GALNT11: variants seen among roughly 807,000 people sequenced by gnomAD.
GALNT11 encodes the protein UDP-GalNAc:polypeptide N-acetylgalactosaminyltransferase 11.
In GALNT11, 47 loss-of-function variants were observed where a neutral mutation model predicts 72.7. The ratio of observed to expected loss-of-function variants is 0.65; its 90% CI spans 0.51 to 0.82. GALNT11 has a LOEUF of 0.82. GALNT11 is among the 40% of genes least tolerant of loss of function. The pLI, the probability that GALNT11 is intolerant of heterozygous loss-of-function variation, is 0.00. For synonymous variants in GALNT11, 270 were observed against 286.6 expected (o/e 0.94, Z 0.58); for missense variants, 677 against 778.4 (o/e 0.87, Z 1.55).
chr7:152,066,935 C>T (rs1237982237), intron 1 of GALNT11, among the ~76,000 whole-genome samples: 1 of 152,136 alleles, frequency 6.6e-6, no homozygotes, highest in African/African-American at 2.4e-5. Context: ...AAACGTAACA[C>T]CGAAACACGA....
At chr7:152,109,511 T>A (rs1016159939) in intron 6 of GALNT11, among the ~76,000 whole-genome samples, 3 of 152,218 alleles carry the variant, frequency 2.0e-5, no homozygotes, top group African/African-American at 7.2e-5. Flanking sequence ...AAGTAACTAA[T>A]TTGCTGCCGA....
At chr7:152,071,863 G>A (rs1020932298) in intron 1 of GALNT11, among the ~76,000 whole-genome samples, 9 of 152,220 alleles carry the variant, frequency 5.9e-5, no homozygotes, top group East Asian at 5.8e-4. Context: ...TGTCAGTTAC[G>A]ATGTAGCATG....
chr7:152,062,596 G>A (rs2084082426), intron 1 of GALNT11, among the ~76,000 whole-genome samples: 1 of 152,280 alleles, frequency 6.6e-6, no homozygotes, highest in Middle Eastern at 3.4e-3. Context: ...GATATTGGCT[G>A]TGGGTTTGTC....
rs748791439 is a variant in GALNT11, at chr7:152,120,905, A to T, written c.1632A>T (p.Ser544=). ...GTCTAGATATGTCAGAGACTCGCTC[A>T]TCAGACCCGCCACGGCTCATGAAAT... ...LLCLDMSETR[S]SDPPRLMKCH... Residue 544 remains serine, a synonymous_variant, in exon 11 of 12, where the codon TCA becomes TCT. Coordinates refer to ENST00000430044, the MANE Select transcript of GALNT11 (RefSeq NM_022087.4). 1.2e-6 allele frequency: 2 copies of T among 1,613,650 alleles called. No homozygotes were observed. The highest frequency in any genetic ancestry group is 2.2e-5 in the South Asian group (2 of 91,046).
chr7:152,103,467 A>G, intron 4 of GALNT11, 189 bp downstream of exon 4: 1 of 517,658 alleles, frequency 1.9e-6, no homozygotes, highest in Non-Finnish European at 3.2e-6. Flanking sequence ...AAACTATGCT[A>G]CCCAAATTTG....
At chr7:152,106,458 A>G (rs1321297891) in intron 5 of GALNT11, among the ~76,000 whole-genome samples, 1 of 152,226 alleles carries the variant, frequency 6.6e-6, no homozygotes, top group Middle Eastern at 3.2e-3. Context: ...ACAAAAAAAA[A>G]AGAGAAGCAG....
At position 152,091,994 on chromosome 7, in the gene GALNT11, C is replaced by T. The variant is rs372971598; in HGVS notation, c.-38-2196C>T. 4.7e-4 allele frequency among the ~76,000 whole-genome samples: 72 copies of T among 152,198 alleles called. 2 individuals are homozygous for T. In the South Asian group the frequency reaches 0.014, roughly 29 times the overall value. On this transcript the variant is annotated intron_variant, in intron 1 of 11. Transcript: ENST00000430044. ...CAGCCCATGGTGGAAGCGGGAAGGC[C>T]GGGAGTGGTTTGAGGAAAACAACCT... is the stretch of plus-strand genomic sequence containing the variant.
chr7:152,057,310 CTTT>C (rs761816854), intron 1 of GALNT11, among the ~76,000 whole-genome samples: 2 of 137,844 alleles, frequency 1.5e-5, no homozygotes, highest in African/African-American at 5.3e-5. Flanking sequence ...ATGATTTTTC[CTTT>C]TTTTTTTTTT....
In GALNT11 at chr7:152,122,313, T is replaced by C. The variant is rs890046748; in HGVS notation, c.*636T>C. 4 of 152,248 alleles carry C rather than the reference T, an allele frequency of 2.6e-5. No individual in the cohort carries two copies. The highest frequency in any genetic ancestry group is 9.6e-5 in the African/African-American group (4 of 41,464). The allele number at this position is 152,248 out of a possible 1,614,324, so 9.4% of individuals were successfully genotyped here. On this transcript the variant is annotated 3_prime_UTR_variant, in exon 12 of 12. Coordinates refer to ENST00000430044, the MANE Select transcript of GALNT11 (RefSeq NM_022087.4). ...ATTATTTTGATGAATTATGATACAA[T>C]CTACATAATAAAGAATCCTTTTGAT...
Position 152,064,410 on chromosome 7 carries a change from A to G in GALNT11, c.-38-29780A>G, listed in dbSNP as rs189628046. Among the ~76,000 whole-genome samples the G allele has an allele frequency of 1.0e-3, 153 of 152,214 alleles. 1 individual carries two copies. The highest frequency in any genetic ancestry group is 1.7e-3 in the Non-Finnish European group (113 of 68,016). ...CTGATGGGTCTTGACTCTTTATCCA[A>G]TTTGCCAATCTGTGTTGTTTAATTG... On this transcript the variant is annotated intron_variant, in intron 1 of 11. Coordinates refer to ENST00000430044, the MANE Select transcript of GALNT11 (RefSeq NM_022087.4).
intron 1 of GALNT11, among the ~76,000 whole-genome samples, chr7:152,079,908 T>G (rs1037454059): frequency 6.6e-6 from 1 of 152,192 alleles, no homozygotes. Flanking sequence ...CAATTTGTAA[T>G]GCAAGAGTAT....
intron 7 of GALNT11, among the ~76,000 whole-genome samples, chr7:152,112,379 A>G (rs2088322829): frequency 6.6e-6 from 1 of 152,092 alleles, no homozygotes; most frequent in East Asian, 1.9e-4. Flanking sequence ...TCTCTACTAA[A>G]AATACAAAAA....
At chr7:152,102,009 T>G (rs998694123) in intron 3 of GALNT11, among the ~76,000 whole-genome samples, 5 of 152,172 alleles carry the variant, frequency 3.3e-5, no homozygotes, top group Non-Finnish European at 7.3e-5. Context: ...ATTTGATACA[T>G]GGAAGCTCTT....
intron 1 of GALNT11, among the ~76,000 whole-genome samples, chr7:152,030,607 T>G (rs2082263090): frequency 6.6e-6 from 1 of 152,200 alleles, no homozygotes; most frequent in South Asian, 2.1e-4. Flanking sequence ...TAGGGTACAC[T>G]GTTTTTTCTT....
chr7:152,067,091 C>T (rs2084354960), intron 1 of GALNT11, among the ~76,000 whole-genome samples: 1 of 152,174 alleles, frequency 6.6e-6, no homozygotes, highest in South Asian at 2.1e-4. Flanking sequence ...AGGTATACCT[C>T]CACTGGTCAG....
intron 1 of GALNT11, among the ~76,000 whole-genome samples, chr7:152,071,113 C>T (rs1034596959): frequency 3.3e-5 from 5 of 152,214 alleles, no homozygotes; most frequent in African/African-American, 4.8e-5. Context: ...AATGAAGTTT[C>T]GGGCACCATT....
chr7:152,101,940 G>T (rs1241831796), intron 3 of GALNT11, among the ~76,000 whole-genome samples: 1 of 151,896 alleles, frequency 6.6e-6, no homozygotes, highest in East Asian at 1.9e-4. Context: ...CCAGTTCATG[G>T]CTTTTTGATG....
chr7:152,027,977 G>T (rs1044521895), intron 1 of GALNT11, among the ~76,000 whole-genome samples: 4 of 152,096 alleles, frequency 2.6e-5, no homozygotes, highest in African/African-American at 7.3e-5. Flanking sequence ...GGTCTTAAAG[G>T]TGGCATGTCG....
intron 1 of GALNT11, among the ~76,000 whole-genome samples, chr7:152,091,622 C>T (rs904968190): frequency 2.0e-5 from 3 of 152,172 alleles, no homozygotes; most frequent in African/African-American, 7.2e-5. Context: ...AGGTGATCTG[C>T]CCACTTTAGC....
Sources: allele counts gnomAD v4.1 joint callset (sites outside exome capture counted in the v4.1 genomes callset), GRCh38; gene constraint gnomAD v4.1.1; transcripts MANE v1.5; gene names NCBI Gene and HGNC (gene_info 2026-07-23, HGNC 2026-07-21).